UNC13C: variants seen among roughly 807,000 people sequenced by gnomAD.
The protein encoded by UNC13C is protein unc-13 homolog C.
UNC13C carries 174 observed loss-of-function variants against 245.4 expected under a neutral mutation model. The observed-to-expected ratio is 0.71, with a 90% CI of 0.63 to 0.80. The LOEUF (loss-of-function observed/expected upper bound fraction) is 0.80. Ranked by LOEUF, UNC13C falls within the 30% of genes least tolerant of loss-of-function variation. The pLI, the probability that UNC13C is intolerant of heterozygous loss-of-function variation, is 0.00. For synonymous variants in UNC13C, 992 were observed against 895.1 expected, an observed-to-expected ratio of 1.11 and a Z score of -1.93; for missense variants, 2,829 against 2,602.9, an observed-to-expected ratio of 1.09 and a Z score of -1.89.
chr15:54,388,257 A>T (rs973964599), intron 17 of UNC13C, among the ~76,000 whole-genome samples: 4 of 152,012 alleles, frequency 2.6e-5, no homozygotes, highest in Non-Finnish European at 5.9e-5. Flanking sequence ...ATTCTCTTCA[A>T]ATATTTAAAT....
At chr15:54,581,503 C>G (rs1336757006) in intron 30 of UNC13C, among the ~76,000 whole-genome samples, 1 of 152,206 alleles carries the variant, frequency 6.6e-6, no homozygotes, top group African/African-American at 2.4e-5. Context: ...CTTCTACTTG[C>G]TGTGTCTTCA....
chr15:54,219,816 A>C (rs1357816957), intron 4 of UNC13C, among the ~76,000 whole-genome samples: 1 of 151,498 alleles, frequency 6.6e-6, no homozygotes, highest in Non-Finnish European at 1.5e-5. Flanking sequence ...AAAAGAAGAC[A>C]TTTATGCAGC....
intron 10 of UNC13C, among the ~76,000 whole-genome samples, chr15:54,272,628 C>T (rs2036716015): frequency 6.6e-6 from 1 of 151,904 alleles, no homozygotes; most frequent in Admixed American, 6.6e-5. Flanking sequence ...ATTTATTTCT[C>T]TTTTTTTTCT....
intron 10 of UNC13C, among the ~76,000 whole-genome samples, chr15:54,278,401 C>T (rs9920146): frequency 0.031 from 4,644 of 152,110 alleles, 229 homozygotes; most frequent in African/African-American, 0.11. Flanking sequence ...CCCTATCTGG[C>T]GAGAGAGGAA....
In UNC13C at chr15:54,143,006, A is replaced by G. The variant is rs967122711; in HGVS notation, c.2984-12A>G. ...CTAACATTTATCCCTTCTTTTCCTG[A>G]TTCTCTTTCAGATAGCAGTTCTGTG... On this transcript the variant is annotated splice_polypyrimidine_tract_variant and intron_variant, in intron 2 of 32. Coordinates refer to ENST00000260323, the MANE Select transcript of UNC13C (RefSeq NM_001080534.3). The G allele has an allele frequency of 1.2e-6, 2 of 1,611,264 alleles. No individual in the cohort carries two copies. Among genetic ancestry groups the G allele is most frequent in the Admixed American group, 1.7e-5 (1 of 59,980 alleles).
the UNC13C span, among the ~76,000 whole-genome samples, chr15:53,867,328 A>G: frequency 2.0e-5 from 3 of 152,366 alleles, no homozygotes; most frequent in South Asian, 2.1e-4. Flanking sequence ...AAAAACTATA[A>G]TGAACTAGAA....
chr15:53,911,566 G>C, the UNC13C span: 1 of 152,244 alleles, frequency 6.6e-6, no homozygotes, highest in East Asian at 1.9e-4. Context: ...CCGCCTCTGA[G>C]ATGGAGAATC....
the UNC13C span, among the ~76,000 whole-genome samples, chr15:53,938,617 C>G: frequency 2.6e-5 from 4 of 152,168 alleles, no homozygotes; most frequent in Non-Finnish European, 5.9e-5. Flanking sequence ...AAGTAAAACA[C>G]TCCTCAGCAA....
intron 17 of UNC13C, among the ~76,000 whole-genome samples, chr15:54,354,773 T>C (rs1296857438): frequency 1.3e-5 from 2 of 152,152 alleles, no homozygotes; most frequent in Admixed American, 6.5e-5. Context: ...GCCCCCAAAT[T>C]CTGCATAAAA....
rs1202990651 is a variant in UNC13C, at chr15:54,265,436, A to G, written c.3758A>G (p.Lys1253Arg). 1.3e-6 allele frequency: 2 copies of G among 1,574,144 alleles called. No homozygotes were observed. The highest frequency in any genetic ancestry group is 1.7e-6 in the Non-Finnish European group (2 of 1,157,222). ...PYVTVQVGKNKRRTKTIFGNL... is the reference protein window; with the variant it reads ...PYVTVQVGKNRRRTKTIFGNL... ...GTTACAGTTCAAGTTGGAAAGAACA[A>G]AAGAAGAACAAAAACCATTTTTGGA... The change falls in exon 10 of 33, where the codon AAA becomes AGA. Residue 1253 changes from lysine to arginine, a missense_variant. Lys to Arg is a conservative substitution (Grantham distance 26). Coordinates refer to ENST00000260323, the MANE Select transcript of UNC13C (RefSeq NM_001080534.3).
Position 54,463,244 on chromosome 15 carries a change from G to C in UNC13C, c.4934-31364G>C, listed in dbSNP as rs796784836. On this transcript the variant is annotated intron_variant, in intron 19 of 32. Transcript: ENST00000260323. ...GGGCCAATCGGCTCTCAGTAAAATG[G>C]GCCAATCAGTAGAATGTGGGCGGGG... 4.6e-4 allele frequency among the ~76,000 whole-genome samples: 54 copies of C among 117,240 alleles called. 1 individual carries two copies. The highest frequency in any genetic ancestry group is 1.6e-3 in the African/African-American group (53 of 33,296). 76.9% of individuals were successfully genotyped at this position (117,240 alleles called of 152,430 possible). A position where few individuals can be genotyped will look rare whatever the true frequency, so the allele number is the denominator to read the frequency against.
At chr15:54,266,040 A>C (rs964207735) in intron 10 of UNC13C, among the ~76,000 whole-genome samples, 3 of 152,016 alleles carry the variant, frequency 2.0e-5, no homozygotes, top group Non-Finnish European at 4.4e-5. Context: ...TTCTCTCAAA[A>C]GTTCTTTTTT....
intron 19 of UNC13C, among the ~76,000 whole-genome samples, chr15:54,451,044 C>G (rs1891144870): frequency 6.6e-6 from 1 of 151,958 alleles, no homozygotes; most frequent in African/African-American, 2.4e-5. Flanking sequence ...CTTTTCAGCA[C>G]TTTGAATATA....
intron 20 of UNC13C, among the ~76,000 whole-genome samples, chr15:54,499,657 A>G (rs1391221168): frequency 1.3e-5 from 2 of 152,194 alleles, no homozygotes; most frequent in Admixed American, 1.3e-4. Context: ...CATAGATTAT[A>G]GATCATAACT....
chr15:54,599,077 T>C (rs1165202556), intron 30 of UNC13C, among the ~76,000 whole-genome samples: 1 of 152,152 alleles, frequency 6.6e-6, no homozygotes, highest in Non-Finnish European at 1.5e-5. Flanking sequence ...CATTTTATTT[T>C]AGTAAATATA....
At chr15:54,005,308 C>T (rs1895085856) in intron 1 of UNC13C, among the ~76,000 whole-genome samples, 1 of 152,090 alleles carries the variant, frequency 6.6e-6, no homozygotes, top group Non-Finnish European at 1.5e-5. Context: ...CACCTATTTC[C>T]CTAAGATTGG....
At chr15:53,997,289 GT>G (rs1894679106) in intron 1 of UNC13C, among the ~76,000 whole-genome samples, 1 of 151,988 alleles carries the variant, frequency 6.6e-6, no homozygotes, top group South Asian at 2.1e-4. Flanking sequence ...TTTTGGGTTG[GT>G]GTGTGTGCAT....
At chr15:54,140,382 G>A (rs2031957870) in intron 2 of UNC13C, among the ~76,000 whole-genome samples, 2 of 151,996 alleles carry the variant, frequency 1.3e-5, no homozygotes, top group African/African-American at 4.8e-5. Context: ...CTATATTTCA[G>A]GAATGTGGTA....
At chr15:54,266,311 G>T (rs2036548484) in intron 10 of UNC13C, among the ~76,000 whole-genome samples, 1 of 151,942 alleles carries the variant, frequency 6.6e-6, no homozygotes, top group Non-Finnish European at 1.5e-5. Flanking sequence ...AAAATCAATT[G>T]GAACCAAATA....
Sources: gnomAD v4.1 joint callset for allele counts (sites outside exome capture counted in the v4.1 genomes callset) on GRCh38, gnomAD v4.1.1 for gene constraint, MANE v1.5 for transcripts, NCBI Gene and HGNC (gene_info 2026-07-23, HGNC 2026-07-21) for gene names.